The following NTRK2 variants were observed in gnomAD, a reference collection of about 807,000 sequenced individuals.
NTRK2 encodes the protein neurotrophic receptor tyrosine kinase 2.
A neutral mutation model predicts 94.5 loss-of-function variants in NTRK2; 13 were observed. That is an observed-to-expected ratio of 0.14 (90% CI 0.09 to 0.22). The LOEUF (loss-of-function observed/expected upper bound fraction) is 0.22, where lower values mean the gene tolerates loss of function less well. Among genes scored for constraint, NTRK2 ranks in the 10% least tolerant of loss-of-function variants. The pLI, the probability that NTRK2 is intolerant of heterozygous loss-of-function variation, is 1.00. For synonymous variants in NTRK2, 372 were observed against 407.4 expected (o/e 0.91, Z 1.05); for missense variants, 639 against 1,071.2 (o/e 0.60, Z 5.63).
chr9:84,809,191 C>G (rs796135421), intron 12 of NTRK2, among the ~76,000 whole-genome samples: 1 of 152,026 alleles, frequency 6.6e-6, no homozygotes, highest in Non-Finnish European at 1.5e-5. Context: ...GGGTGCAATG[C>G]TAAGTAGAGA....
At chr9:84,811,277 A>C in intron 12 of NTRK2, 1 of 1,061,146 alleles carries the variant, frequency 9.4e-7, no homozygotes, top group South Asian at 4.6e-5. Flanking sequence ...CTTAGCCAGC[A>C]AAACAAAACA....
intron 14 of NTRK2, among the ~76,000 whole-genome samples, chr9:84,897,065 T>C (rs566458551): frequency 6.6e-5 from 10 of 152,274 alleles, no homozygotes; most frequent in African/African-American, 2.4e-4. Context: ...CAGGGATTGT[T>C]GTGGCTCCTC....
chr9:84,893,606 A>G (rs1033580351), intron 14 of NTRK2, among the ~76,000 whole-genome samples: 1 of 152,130 alleles, frequency 6.6e-6, no homozygotes. Flanking sequence ...CGAACCCCAG[A>G]CGCTGTGTGT....
chr9:84,982,704 A>G (rs1203361207), intron 17 of NTRK2, among the ~76,000 whole-genome samples: 3 of 152,256 alleles, frequency 2.0e-5, no homozygotes, highest in Non-Finnish European at 4.4e-5. Context: ...ATAAAAATGT[A>G]GGGGAACTAA....
chr9:84,836,695 C>G (rs1022223246), intron 12 of NTRK2, among the ~76,000 whole-genome samples: 5 of 148,304 alleles, frequency 3.4e-5, no homozygotes, highest in African/African-American at 1.3e-4. Context: ...GAAATGCTCA[C>G]TATGGTTCAT....
Position 84,828,648 on chromosome 9 carries a change from A to G in NTRK2, c.1397-32392A>G, listed in dbSNP as rs903447334. Among the ~76,000 whole-genome samples the G allele has an allele frequency of 5.3e-5, 8 of 152,330 alleles. No individual in the cohort carries two copies. The East Asian group carries it at 1.3e-3, about 26-fold the overall frequency. ...ATATGATTTTTGTTTCTTTTAAAAG[A>G]TTAAAATTTTATTGGTTGATTATTT... is the stretch of plus-strand genomic sequence containing the variant. On this transcript the variant is annotated intron_variant, in intron 12 of 18. Coordinates refer to ENST00000277120, the MANE Select transcript of NTRK2 (RefSeq NM_006180.6).
At chr9:84,907,762 G>A (rs1338010904) in intron 14 of NTRK2, among the ~76,000 whole-genome samples, 1 of 148,418 alleles carries the variant, frequency 6.7e-6, no homozygotes, top group Non-Finnish European at 1.5e-5. Flanking sequence ...AAAGGTGGTT[G>A]TGGACTTTAG....
At chr9:85,004,045 G>GAAAA (rs1830655009) in intron 17 of NTRK2, among the ~76,000 whole-genome samples, 10 of 130,364 alleles carry the variant, frequency 7.7e-5, no homozygotes, top group Non-Finnish European at 1.2e-4. Flanking sequence ...GAGAAAGAAA[G>GAAAA]GGAGAAAGAG....
intron 14 of NTRK2, among the ~76,000 whole-genome samples, chr9:84,923,879 G>A (rs2077650225): frequency 6.6e-6 from 1 of 151,546 alleles, no homozygotes. Flanking sequence ...CAGCCTGGGC[G>A]ACAGAGTGAG....
chr9:84,759,498 T>C (rs956188767), intron 12 of NTRK2, among the ~76,000 whole-genome samples: 1 of 152,242 alleles, frequency 6.6e-6, no homozygotes, highest in African/African-American at 2.4e-5. Context: ...AGCTCTTGTT[T>C]TCCTGTAATG....
intron 14 of NTRK2, among the ~76,000 whole-genome samples, chr9:84,909,007 T>G (rs1445800942): frequency 6.6e-6 from 1 of 152,154 alleles, no homozygotes; most frequent in Admixed American, 6.5e-5. Flanking sequence ...ATATTGACAT[T>G]CATACAGTCA....
intron 12 of NTRK2, among the ~76,000 whole-genome samples, chr9:84,810,223 T>G (rs1332473089): frequency 6.6e-6 from 1 of 152,192 alleles, no homozygotes; most frequent in African/African-American, 2.4e-5. Context: ...GTTTCCTCCT[T>G]AAAGTAAGCT....
chr9:84,778,915 G>A (rs1301251711), intron 12 of NTRK2, among the ~76,000 whole-genome samples: 2 of 152,168 alleles, frequency 1.3e-5, no homozygotes. Context: ...TGTGGAGAGA[G>A]CAAACTTGCT....
At chr9:84,735,172 G>A (rs2063166964) in intron 9 of NTRK2, among the ~76,000 whole-genome samples, 1 of 152,132 alleles carries the variant, frequency 6.6e-6, no homozygotes, top group African/African-American at 2.4e-5. Flanking sequence ...GGTCAACAAA[G>A]TGAGACCCCG....
chr9:84,966,239 A>G (rs1407355786), intron 17 of NTRK2, among the ~76,000 whole-genome samples: 1 of 152,196 alleles, frequency 6.6e-6, no homozygotes. Context: ...AGAACTTCCT[A>G]CTGCATGGGC....
chr9:84,876,540 C>T (rs1011357966), intron 14 of NTRK2: 15 of 1,055,984 alleles, frequency 1.4e-5, no homozygotes, highest in Non-Finnish European at 1.7e-5. Context: ...ATGTTCTTAC[C>T]TTCTATTAAT....
rs368934490 is a variant in NTRK2, at chr9:84,683,424, AGT to A, written c.212+12466_212+12467del. Among the ~76,000 whole-genome samples, 37 of 152,116 alleles carry A rather than the reference AGT, an allele frequency of 2.4e-4. No homozygotes were observed. In the East Asian group the frequency reaches 6.6e-3, roughly 27 times the overall value. On this transcript the variant is annotated intron_variant, in intron 2 of 18. Transcript: ENST00000277120. ...TCTCACTGTTTAACTCTCACTTATG[AGT>A]GAGAACATACAGTGTTTGGTTTTCT...
chr9:84,882,719 T>TGTGTGTGTGTGTGCGCGCGCGC (rs761042296), intron 14 of NTRK2, among the ~76,000 whole-genome samples: 197 of 145,790 alleles, frequency 1.4e-3, no homozygotes, highest in African/African-American at 4.9e-3. Context: ...TGTGTGTGTG[T>TGTGTGTGTGTGTGCGCGCGCGC]GCGCGCGCGC....
At chr9:84,902,713 G>GC (rs1421919372) in intron 14 of NTRK2, among the ~76,000 whole-genome samples, 3 of 152,086 alleles carry the variant, frequency 2.0e-5, no homozygotes, top group African/African-American at 7.2e-5. Context: ...AGGAATCCTG[G>GC]CCCTTCCTTC....
Sources: allele counts gnomAD v4.1 joint callset (sites outside exome capture counted in the v4.1 genomes callset), GRCh38; gene constraint gnomAD v4.1.1; transcripts MANE v1.5; gene names NCBI Gene and HGNC (gene_info 2026-07-23, HGNC 2026-07-21).